Variants in FER observed in about 807,000 individuals in gnomAD.
FER encodes tyrosine-protein kinase Fer.
FER carries 63 observed loss-of-function variants against 111.0 expected under a neutral mutation model. The ratio of observed to expected loss-of-function variants is 0.57; its 90% CI spans 0.46 to 0.70. The LOEUF (loss-of-function observed/expected upper bound fraction) is 0.70, where lower values mean the gene tolerates loss of function less well. Ranked by LOEUF, FER falls within the 30% of genes least tolerant of loss-of-function variation. The pLI, the probability that FER is intolerant of heterozygous loss-of-function variation, is 0.00. For missense variants in FER, 914 were observed against 954.0 expected (o/e 0.96, Z 0.55); for synonymous variants, 327 against 313.9 (o/e 1.04, Z -0.44).
chr5:108,836,252 G>A (rs186853879), intron 5 of FER, among the ~76,000 whole-genome samples: 1 of 151,790 alleles, frequency 6.6e-6, no homozygotes, highest in African/African-American at 2.4e-5. Context: ...TGTCTATATT[G>A]CCCTAAAATT....
chr5:109,073,920 T>C (rs934278613), intron 16 of FER, among the ~76,000 whole-genome samples: 1 of 152,184 alleles, frequency 6.6e-6, no homozygotes, highest in Non-Finnish European at 1.5e-5. Flanking sequence ...TTAATTTGTG[T>C]TTACTTGGAT....
rs1776267558 is a variant in FER, at chr5:109,075,729, G to A, written c.1925-24667G>A. ...TGAACCACCATGCCCAGCCCGCTTAGCATTTTTAATATGTACCTGTCTACC... is the reference window on the plus strand; with the variant it reads ...TGAACCACCATGCCCAGCCCGCTTAACATTTTTAATATGTACCTGTCTACC... On this transcript the variant is annotated intron_variant, in intron 16 of 19. Coordinates refer to ENST00000281092, the MANE Select transcript of FER (RefSeq NM_005246.4). 1.3e-5 allele frequency among the ~76,000 whole-genome samples: 2 copies of A among 152,036 alleles called. 1 individual carries two copies. Among genetic ancestry groups the A allele is most frequent in the African/African-American group, 4.8e-5 (2 of 41,400 alleles).
At chr5:108,994,473 C>T (rs1313714429) in intron 13 of FER, among the ~76,000 whole-genome samples, 1 of 152,122 alleles carries the variant, frequency 6.6e-6, no homozygotes, top group Non-Finnish European at 1.5e-5. Flanking sequence ...GTCTTTGTGT[C>T]TGTTTCTGTA....
intron 13 of FER, among the ~76,000 whole-genome samples, chr5:108,960,849 T>A (rs1335864131): frequency 6.6e-6 from 1 of 152,038 alleles, no homozygotes; most frequent in Non-Finnish European, 1.5e-5. Context: ...AATTGAGGGG[T>A]CTTCTTTGAC....
chr5:108,997,872 T>C (rs1486367209), intron 13 of FER, among the ~76,000 whole-genome samples: 1 of 152,156 alleles, frequency 6.6e-6, no homozygotes, highest in Non-Finnish European at 1.5e-5. Context: ...ACAGTGGCCT[T>C]GCTGAGCTGT....
chr5:109,051,969 A>T, intron 16 of FER: 2 of 1,587,718 alleles, frequency 1.3e-6, no homozygotes, highest in Non-Finnish European at 1.7e-6. Context: ...CCTCAAAGAT[A>T]GACTTGAAGA....
At chr5:109,182,884 C>T (rs550050603) in intron 18 of FER, among the ~76,000 whole-genome samples, 1 of 152,214 alleles carries the variant, frequency 6.6e-6, no homozygotes, top group South Asian at 2.1e-4. Flanking sequence ...CTTTGTCACC[C>T]GGGCTGGAGT....
rs1207082876 is a variant in FER, at chr5:109,188,033, T to TTA, written c.*462_*463dup. On this transcript the variant is annotated 3_prime_UTR_variant, in exon 20 of 20. Transcript: ENST00000281092. ...GGCTTTCACCTCTGCCAAAGCAGGA[T>TTA]TATATTTGTAAACAAACAAACAGAA... 1 of 90,024 alleles carries TTA rather than the reference T, an allele frequency of 1.1e-5. No individual in the cohort carries two copies. The highest frequency in any genetic ancestry group is 2.3e-5 in the Non-Finnish European group (1 of 42,594). 5.6% of individuals were successfully genotyped at this position (90,024 alleles called of 1,614,324 possible).
At chr5:109,065,364 A>C (rs1774954757) in intron 16 of FER, among the ~76,000 whole-genome samples, 1 of 152,174 alleles carries the variant, frequency 6.6e-6, no homozygotes, top group Admixed American at 6.5e-5. Flanking sequence ...ATATATTCAG[A>C]TTCTATTATG....
intron 3 of FER, among the ~76,000 whole-genome samples, chr5:108,802,076 A>G (rs1029542667): frequency 2.6e-5 from 4 of 152,138 alleles, no homozygotes; most frequent in African/African-American, 9.7e-5. Flanking sequence ...GGAATTTTCC[A>G]TTTTTGGATT....
chr5:108,772,241 A>G (rs1038494668), intron 2 of FER, among the ~76,000 whole-genome samples: 1 of 151,852 alleles, frequency 6.6e-6, no homozygotes, highest in Non-Finnish European at 1.5e-5. Flanking sequence ...TTGGAGGGAC[A>G]CATATATTCA....
chr5:108,930,372 T>TTCC (rs1354317884), intron 10 of FER, among the ~76,000 whole-genome samples: 1 of 154 alleles, frequency 6.5e-3, no homozygotes, highest in African/African-American at 0.033. Flanking sequence ...CTCCCCTCCT[T>TTCC]TCCCCTCCCC....
In FER at chr5:109,186,336, A is replaced by G. The variant is rs2126884798; in HGVS notation, c.2326+14A>G. 6.2e-7 allele frequency: 1 copy of G among 1,614,052 alleles called. No homozygotes were observed. The highest frequency in any genetic ancestry group is 2.2e-5 in the East Asian group (1 of 44,858). On this transcript the variant is annotated intron_variant, in intron 19 of 19. Coordinates refer to ENST00000281092, the MANE Select transcript of FER (RefSeq NM_005246.4). ...AAGTAGAAAGAGGTGAGCCAAGTAC[A>G]TTCATTGTTAGTGTTCATGTCCAGC... is the stretch of plus-strand genomic sequence containing the variant.
rs933124083 is a variant in FER at position 108,848,962 on chromosome 5, C to G, written c.481+13155C>G. Among the ~76,000 whole-genome samples the G allele has an allele frequency of 2.6e-5, 4 of 151,906 alleles. No homozygotes were observed. In the South Asian group the frequency reaches 8.3e-4, roughly 32 times the overall value. Reference sequence around the variant, plus strand: ...TTTTTTTTTAAACAGATTTTTACCTCTTTATGTATTTAAAGATGTTTCTCC... The same window carrying G: ...TTTTTTTTTAAACAGATTTTTACCTGTTTATGTATTTAAAGATGTTTCTCC... On this transcript the variant is annotated intron_variant, in intron 5 of 19. Coordinates refer to ENST00000281092, the MANE Select transcript of FER (RefSeq NM_005246.4).
intron 10 of FER, among the ~76,000 whole-genome samples, chr5:108,903,082 A>T (rs1365124861): frequency 3.9e-5 from 6 of 152,130 alleles, no homozygotes; most frequent in Non-Finnish European, 1.5e-5. Context: ...CTTTGGACCA[A>T]ACATATAATA....
At chr5:109,036,874 T>C (rs938321714) in intron 13 of FER, among the ~76,000 whole-genome samples, 27 of 152,030 alleles carry the variant, frequency 1.8e-4, no homozygotes, top group African/African-American at 6.5e-4. Context: ...ACCCTAGTGA[T>C]ATTGTAATTG....
chr5:109,148,438 G>GT (rs1319802293), intron 17 of FER, among the ~76,000 whole-genome samples: 2 of 152,254 alleles, frequency 1.3e-5, no homozygotes, highest in East Asian at 3.9e-4. Context: ...TGAAAAGACA[G>GT]TAAAGGAAAG....
chr5:109,124,995 G>A (rs1157639640), intron 17 of FER, among the ~76,000 whole-genome samples: 14 of 144,212 alleles, frequency 9.7e-5, no homozygotes, highest in Non-Finnish European at 1.9e-4. Context: ...GCAGTGAGCC[G>A]AGATTGCACC....
chr5:109,146,277 T>TATATTATCTATCTA (rs1420345593), intron 17 of FER, among the ~76,000 whole-genome samples: 8 of 70,180 alleles, frequency 1.1e-4, no homozygotes, highest in South Asian at 9.9e-4. Context: ...TATATATATA[T>TATATTATCTATCTA]ATATATATAT....
Sources: allele counts gnomAD v4.1 joint callset (sites outside exome capture counted in the v4.1 genomes callset), GRCh38; gene constraint gnomAD v4.1.1; transcripts MANE v1.5; gene names NCBI Gene and HGNC (gene_info 2026-07-23, HGNC 2026-07-21).